TMEM250: variants seen among roughly 807,000 people sequenced by gnomAD.
TMEM250 encodes herpes virus UL25-binding protein.
A neutral mutation model predicts 7.0 loss-of-function variants in TMEM250; 7 were observed. The ratio of observed to expected loss-of-function variants is 1.00; its 90% confidence interval spans 0.57 to 1.87. TMEM250 has a LOEUF of 1.87. Ranked by LOEUF, TMEM250 falls within the 40% of genes most tolerant of loss-of-function variation. The pLI, the probability that TMEM250 is intolerant of heterozygous loss-of-function variation, is 0.00. For synonymous variants in TMEM250, 135 were observed against 96.7 expected, an observed-to-expected ratio of 1.40 and a Z score of -2.32; for missense variants, 196 against 202.5, an observed-to-expected ratio of 0.97 and a Z score of 0.19.
rs780874493 is a variant in TMEM250 at position 136,116,909 on chromosome 9, G to A, written c.-9C>T. The A allele has an allele frequency of 3.2e-5, 48 of 1,485,098 alleles. No homozygotes were observed. In the East Asian group the frequency reaches 6.7e-4, roughly 21 times the overall value. 92.0% of individuals were successfully genotyped at this position (1,485,098 alleles called of 1,614,324 possible). On this transcript the variant is annotated 5_prime_UTR_variant, in exon 2 of 2. Transcript: ENST00000418388. ...ATGGGCATGACCGGCATTGGGCCCC[G>A]GCGGCGGCGGCGCTAGGTCGCAGTG...
In TMEM250 at chr9:136,118,014, G is replaced by A. The variant is rs1830745727; in HGVS notation, c.-125+471C>T. The A allele has an allele frequency of 2.0e-5, 3 of 152,294 alleles. 1 individual carries two copies. Among genetic ancestry groups the A allele is most frequent in the South Asian group, 4.1e-4 (2 of 4,838 alleles). 9.4% of individuals were successfully genotyped at this position (152,294 alleles called of 1,614,324 possible). ...GGGCCCTGCCGTGGGGACCTGGCCA[G>A]GGCGGAGGAGGGAGGGGCCGGGGCC... On this transcript the variant is annotated intron_variant, in intron 1 of 1. Coordinates refer to ENST00000418388, the MANE Select transcript of TMEM250 (RefSeq NM_152833.3).
chr9:136,116,792 T>C lies in TMEM250; in HGVS notation c.109A>G (p.Lys37Glu), dbSNP rs1830712885. Residue 37 changes from lysine (K) to glutamate (E), a missense_variant, in exon 2 of 2, where the codon AAG becomes GAG. Coordinates refer to ENST00000418388, the MANE Select transcript of TMEM250 (RefSeq NM_152833.3). The stretch of plus-strand genomic sequence containing the variant: ...ATGTACACGTCGAAGTTGTTGTACT[T>C]GGTGCGGGCCAGGTGGGAGGCGCGC... ...PVRASHLART[K>E]YNNFDVYIKT... The C allele has an allele frequency of 6.2e-7, 1 of 1,611,944 alleles. No homozygotes were observed.
Position 136,115,905 on chromosome 9 carries a change from C to T in TMEM250, c.*576G>A. On this transcript the variant is annotated 3_prime_UTR_variant, in exon 2 of 2. Transcript: ENST00000418388. ...GGCTGGGGACTCAGGACCCACACAG[C>T]CCCTCAGGATGACACACACAGGGTG... 1 of 388,188 alleles carries T rather than the reference C, an allele frequency of 2.6e-6. No homozygotes were observed. Among genetic ancestry groups the T allele is most frequent in the East Asian group, 3.6e-5 (1 of 27,520 alleles). The allele number at this position is 388,188 out of a possible 1,614,324, so 24.0% of individuals were successfully genotyped here. A position where few individuals can be genotyped will look rare whatever the true frequency, so the allele number is the denominator to read the frequency against.
rs1200029718 is a variant in TMEM250, at chr9:136,118,498, C to CGCGGCG, written c.-144_-139dup. The CGCGGCG allele has an allele frequency of 2.0e-5, 3 of 151,528 alleles. No homozygotes were observed. The allele number at this position is 151,528 out of a possible 1,614,324, so 9.4% of individuals were successfully genotyped here. ...ACCGCAGCTCACCCGGTGCCCTCTCCGCGGCGGCGCCGGCGTCCCGGACCT... is the reference window on the plus strand; with the variant it reads ...ACCGCAGCTCACCCGGTGCCCTCTCCGCGGCGGCGGCGGCGCCGGCGTCCCGGACCT... On this transcript the variant is annotated 5_prime_UTR_variant, in exon 1 of 2. Coordinates refer to ENST00000418388, the MANE Select transcript of TMEM250 (RefSeq NM_152833.3).
Position 136,115,822 on chromosome 9 carries a change from C to A in TMEM250, c.*659G>T, listed in dbSNP as rs1298974789. The A allele has an allele frequency of 1.5e-5, 4 of 265,830 alleles. No individual in the cohort carries two copies. The highest frequency in any genetic ancestry group is 2.8e-5 in the Non-Finnish European group (4 of 142,586). 16.5% of individuals were successfully genotyped at this position (265,830 alleles called of 1,614,324 possible). A position where few individuals can be genotyped will look rare whatever the true frequency, so the allele number is the denominator to read the frequency against. ...CCTGCTGAGGCCCCTCCCACCTGAG[C>A]CCTTCTCCGGCCCCCCGCTAGACTG... On this transcript the variant is annotated 3_prime_UTR_variant, in exon 2 of 2. Transcript: ENST00000418388.
rs548685274 is a variant in TMEM250 at position 136,116,465 on chromosome 9, C to T, written c.*16G>A. The T allele has an allele frequency of 5.3e-6, 8 of 1,516,752 alleles. No individual in the cohort carries two copies. The highest frequency in any genetic ancestry group is 7.0e-6 in the Non-Finnish European group (8 of 1,134,952). 94.0% of individuals were successfully genotyped at this position (1,516,752 alleles called of 1,614,324 possible). A position where few individuals can be genotyped will look rare whatever the true frequency, so the allele number is the denominator to read the frequency against. On this transcript the variant is annotated 3_prime_UTR_variant, in exon 2 of 2. Transcript: ENST00000418388. ...CCACAGGCCGGGACGATACATCAAG[C>T]TCGCACCCACGGCCCTCACATGTCC...
Position 136,116,937 on chromosome 9 carries a change from G to A in TMEM250, c.-37C>T, listed in dbSNP as rs530294680. On this transcript the variant is annotated 5_prime_UTR_variant, in exon 2 of 2. Coordinates refer to ENST00000418388, the MANE Select transcript of TMEM250 (RefSeq NM_152833.3). The stretch of plus-strand genomic sequence containing the variant: ...GGCGGCGGCGCTAGGTCGCAGTGGC[G>A]GCGGCGGTGTCCAGGCGGCTGTTGG... 11 of 1,422,292 alleles carry A rather than the reference G, an allele frequency of 7.7e-6. No individual in the cohort carries two copies. The highest frequency in any genetic ancestry group is 1.5e-5 in the African/African-American group (1 of 66,812). The allele number at this position is 1,422,292 out of a possible 1,614,324, so 88.1% of individuals were successfully genotyped here. A position where few individuals can be genotyped will look rare whatever the true frequency, so the allele number is the denominator to read the frequency against.
chr9:136,115,957 C>T lies in TMEM250; in HGVS notation c.*524G>A, dbSNP rs1293011344. On this transcript the variant is annotated 3_prime_UTR_variant, in exon 2 of 2. Coordinates refer to ENST00000418388, the MANE Select transcript of TMEM250 (RefSeq NM_152833.3). ...TCCGCGGGCAGTGCCAGGCCTCAGGCGGCCCAGGGCAGAGTAAGCAGCTTT... is the reference window on the plus strand; with the variant it reads ...TCCGCGGGCAGTGCCAGGCCTCAGGTGGCCCAGGGCAGAGTAAGCAGCTTT... The T allele has an allele frequency of 1.5e-5, 6 of 401,862 alleles. No homozygotes were observed. The highest frequency in any genetic ancestry group is 8.3e-5 in the African/African-American group (4 of 48,002). 24.9% of individuals were successfully genotyped at this position (401,862 alleles called of 1,614,324 possible).
rs1830768375 is a variant in TMEM250 at position 136,118,767 on chromosome 9, GGGC to G, written c.-410_-408del. On this transcript the variant is annotated 5_prime_UTR_variant, in exon 1 of 2. Transcript: ENST00000418388. ...GCGCCGTCCCTCGACGGCCACCGTA[GGGC>G]GGCCTCACGCCCCCTCCACCCGCGC... 1 of 152,180 alleles carries G rather than the reference GGGC, an allele frequency of 6.6e-6. No individual in the cohort carries two copies. Among genetic ancestry groups the G allele is most frequent in the African/African-American group, 2.4e-5 (1 of 41,456 alleles). The allele number at this position is 152,180 out of a possible 1,614,324, so 9.4% of individuals were successfully genotyped here.
chr9:136,115,615 G>C lies in TMEM250; in HGVS notation c.*866C>G, dbSNP rs1309105277. 3 of 152,812 alleles carry C rather than the reference G, an allele frequency of 2.0e-5. No individual in the cohort carries two copies. The South Asian group carries it at 6.2e-4, about 32-fold the overall frequency. The allele number at this position is 152,812 out of a possible 1,614,324, so 9.5% of individuals were successfully genotyped here. On this transcript the variant is annotated 3_prime_UTR_variant, in exon 2 of 2. Coordinates refer to ENST00000418388, the MANE Select transcript of TMEM250 (RefSeq NM_152833.3). ...CTTTCTTTGACGGTGTTCCCTCAAA[G>C]AAAGAGGCCCAAAGCCCTCCCCCGC...
chr9:136,114,733 AG>A lies in TMEM250; in HGVS notation c.*1747del, dbSNP rs1490096754. ...TTGACACCGCACGAGCGGCACCACCAGCCCCCTCCCGCCTCCCGTCCCACCT... is the reference window on the plus strand; with the variant it reads ...TTGACACCGCACGAGCGGCACCACCACCCCCTCCCGCCTCCCGTCCCACCT... On this transcript the variant is annotated 3_prime_UTR_variant, in exon 2 of 2. Coordinates refer to ENST00000418388, the MANE Select transcript of TMEM250 (RefSeq NM_152833.3). 1.3e-5 allele frequency: 2 copies of A among 152,238 alleles called. No individual in the cohort carries two copies. Among genetic ancestry groups the A allele is most frequent in the Non-Finnish European group, 2.9e-5 (2 of 68,038 alleles). 9.4% of individuals were successfully genotyped at this position (152,238 alleles called of 1,614,324 possible). A position where few individuals can be genotyped will look rare whatever the true frequency, so the allele number is the denominator to read the frequency against.
Position 136,116,986 on chromosome 9 carries a change from C to G in TMEM250, c.-86G>C. 2 of 1,364,138 alleles carry G rather than the reference C, an allele frequency of 1.5e-6. No homozygotes were observed. The highest frequency in any genetic ancestry group is 1.9e-6 in the Non-Finnish European group (2 of 1,063,832). The allele number at this position is 1,364,138 out of a possible 1,614,324, so 84.5% of individuals were successfully genotyped here. ...GGCGTAGGGGTCATGGGCGCCTAGG[C>G]CTGGGAGCCCGCAGCTGACCCTGGG... On this transcript the variant is annotated 5_prime_UTR_variant, in exon 2 of 2. Coordinates refer to ENST00000418388, the MANE Select transcript of TMEM250 (RefSeq NM_152833.3).
Position 136,117,034 on chromosome 9 carries a change from G to A in TMEM250, c.-124-10C>T. ...GGGGGGAGGCGTCGGCCTGCGGGGA[G>A]AGCCGCAAAACCCACGTCAGTATGA... is the stretch of plus-strand genomic sequence containing the variant. On this transcript the variant is annotated splice_polypyrimidine_tract_variant and intron_variant, in intron 1 of 1. Transcript: ENST00000418388. 7.5e-7 allele frequency: 1 copy of A among 1,338,704 alleles called. No individual in the cohort carries two copies. The highest frequency in any genetic ancestry group is 9.6e-7 in the Non-Finnish European group (1 of 1,046,084). The allele number at this position is 1,338,704 out of a possible 1,614,324, so 82.9% of individuals were successfully genotyped here.
Position 136,114,981 on chromosome 9 carries a change from G to A in TMEM250, c.*1500C>T, listed in dbSNP as rs1830674126. The stretch of plus-strand genomic sequence containing the variant: ...GATAAATTAGAGAGCACGGTTTACG[G>A]CCAGAGATTTTTTGCTTTCTCTACC... On this transcript the variant is annotated 3_prime_UTR_variant, in exon 2 of 2. Coordinates refer to ENST00000418388, the MANE Select transcript of TMEM250 (RefSeq NM_152833.3). 1 of 152,252 alleles carries A rather than the reference G, an allele frequency of 6.6e-6. No homozygotes were observed. Among genetic ancestry groups the A allele is most frequent in the South Asian group, 2.1e-4 (1 of 4,836 alleles). The allele number at this position is 152,252 out of a possible 1,614,324, so 9.4% of individuals were successfully genotyped here.
chr9:136,116,424 C>T lies in TMEM250; in HGVS notation c.*57G>A. On this transcript the variant is annotated 3_prime_UTR_variant, in exon 2 of 2. Coordinates refer to ENST00000418388, the MANE Select transcript of TMEM250 (RefSeq NM_152833.3). ...AGGGAAGGCGCTGGCCGACCCCACC[C>T]ATGGAGAGAACACAGCCACAGGCCG... 1 of 1,464,208 alleles carries T rather than the reference C, an allele frequency of 6.8e-7. No homozygotes were observed. Among genetic ancestry groups the T allele is most frequent in the Non-Finnish European group, 9.0e-7 (1 of 1,108,754 alleles). The allele number at this position is 1,464,208 out of a possible 1,614,324, so 90.7% of individuals were successfully genotyped here.
chr9:136,117,008 T>G lies in TMEM250; in HGVS notation c.-108A>C, dbSNP rs13297832. The G allele has an allele frequency of 7.4e-7, 1 of 1,349,932 alleles. No homozygotes were observed. Among genetic ancestry groups the G allele is most frequent in the Non-Finnish European group, 9.5e-7 (1 of 1,054,866 alleles). The allele number at this position is 1,349,932 out of a possible 1,614,324, so 83.6% of individuals were successfully genotyped here. A position where few individuals can be genotyped will look rare whatever the true frequency, so the allele number is the denominator to read the frequency against. On this transcript the variant is annotated 5_prime_UTR_variant, in exon 2 of 2. Coordinates refer to ENST00000418388, the MANE Select transcript of TMEM250 (RefSeq NM_152833.3). ...AGGCCTGGGAGCCCGCAGCTGACCC[T>G]GGGGGGAGGCGTCGGCCTGCGGGGA...
chr9:136,118,587 C>G lies in TMEM250; in HGVS notation c.-227G>C, dbSNP rs1049025842. 1 of 151,662 alleles carries G rather than the reference C, an allele frequency of 6.6e-6. No individual in the cohort carries two copies. The highest frequency in any genetic ancestry group is 1.5e-5 in the Non-Finnish European group (1 of 67,930). The allele number at this position is 151,662 out of a possible 1,614,324, so 9.4% of individuals were successfully genotyped here. A position where few individuals can be genotyped will look rare whatever the true frequency, so the allele number is the denominator to read the frequency against. On this transcript the variant is annotated 5_prime_UTR_variant, in exon 1 of 2. Transcript: ENST00000418388. The stretch of plus-strand genomic sequence containing the variant: ...TGCCCCTGTCCCTCGGGGCTCCGTG[C>G]GCAGGGCGGCCGCATGGTGCTGGGG...
In TMEM250 at chr9:136,116,736, G is replaced by C; in HGVS notation, c.165C>G (p.Arg55=). 1.2e-6 allele frequency: 2 copies of C among 1,612,544 alleles called. No homozygotes were observed. The highest frequency in any genetic ancestry group is 2.2e-5 in the South Asian group (2 of 91,090). The part of the protein sequence containing the change: ...IKTRWLYGFI[R]FLLYFSCSLF... ...GGCTGCAGCTAAAGTAGAGTAGGAA[G>C]CGGATGAAGCCGTACAGCCAGCGCG... is the stretch of plus-strand genomic sequence containing the variant. The change falls in exon 2 of 2, where the codon CGC becomes CGG. Residue 55 remains arginine, a synonymous_variant. Coordinates refer to ENST00000418388, the MANE Select transcript of TMEM250 (RefSeq NM_152833.3).
In TMEM250 at chr9:136,116,916, G is replaced by A. The variant is rs769448638; in HGVS notation, c.-16C>T. The A allele has an allele frequency of 3.4e-6, 5 of 1,480,130 alleles. No homozygotes were observed. The highest frequency in any genetic ancestry group is 4.5e-6 in the Non-Finnish European group (5 of 1,121,464). The allele number at this position is 1,480,130 out of a possible 1,614,324, so 91.7% of individuals were successfully genotyped here. Reference sequence around the variant, plus strand: ...TGACCGGCATTGGGCCCCGGCGGCGGCGGCGCTAGGTCGCAGTGGCGGCGG... The same window carrying A: ...TGACCGGCATTGGGCCCCGGCGGCGACGGCGCTAGGTCGCAGTGGCGGCGG... On this transcript the variant is annotated 5_prime_UTR_variant, in exon 2 of 2. Coordinates refer to ENST00000418388, the MANE Select transcript of TMEM250 (RefSeq NM_152833.3).
Sources: allele counts gnomAD v4.1 joint callset, GRCh38; gene constraint gnomAD v4.1.1; transcripts MANE v1.5; gene names NCBI Gene and HGNC (gene_info 2026-07-23, HGNC 2026-07-21).